Variants in SP100 observed in about 807,000 individuals in gnomAD.
SP100 encodes the protein SP100 nuclear body protein.
A neutral mutation model predicts 130.0 loss-of-function variants in SP100; 84 were observed. That is an observed-to-expected ratio of 0.65 (90% confidence interval 0.54 to 0.77). SP100 has a LOEUF of 0.77. Among genes scored for constraint, SP100 ranks in the 30% least tolerant of loss-of-function variants. The probability of loss-of-function intolerance (pLI) is 0.00; values close to 1 mark genes in which losing one functional copy is unlikely to be tolerated. For missense variants in SP100, 978 were observed against 1,052.2 expected, an observed-to-expected ratio of 0.93 and a Z score of 0.97; for synonymous variants, 331 against 351.7, an observed-to-expected ratio of 0.94 and a Z score of 0.66.
At position 230,494,340 on chromosome 2, in the gene SP100, A is replaced by G; in HGVS notation, c.1601-76A>G. The G allele has an allele frequency of 2.7e-6, 3 of 1,129,300 alleles. 1 individual carries two copies. Among genetic ancestry groups the G allele is most frequent in the Non-Finnish European group, 4.0e-6 (3 of 749,710 alleles). The allele number at this position is 1,129,300 out of a possible 1,614,324, so 70.0% of individuals were successfully genotyped here. A position where few individuals can be genotyped will look rare whatever the true frequency, so the allele number is the denominator to read the frequency against. Reference sequence around the variant, plus strand: ...AAGGAAAACAAAATTCAATGCTTGTAAACTATTGACATATAAAGTGTGTAA... The same window carrying G: ...AAGGAAAACAAAATTCAATGCTTGTGAACTATTGACATATAAAGTGTGTAA... On this transcript the variant is annotated intron_variant, in intron 17 of 28. Coordinates refer to ENST00000340126, the MANE Select transcript of SP100 (RefSeq NM_001080391.2).
chr2:230,538,176 GA>G, intron 24 of SP100: 1 of 152,144 alleles, frequency 6.6e-6, no homozygotes, highest in East Asian at 1.9e-4. Flanking sequence ...TTCTACTGTA[GA>G]GCAAGTTGAG....
chr2:230,436,743 G>A (rs981580279), intron 2 of SP100, among the ~76,000 whole-genome samples: 2 of 151,964 alleles, frequency 1.3e-5, no homozygotes, highest in Non-Finnish European at 2.9e-5. Context: ...AGGTCTATAG[G>A]TTTCCTACAT....
At chr2:230,450,123 A>G (rs2063902285) in intron 7 of SP100, 49 bp from the exon 8 acceptor site, 1 of 1,353,490 alleles carries the variant, frequency 7.4e-7, no homozygotes, top group Admixed American at 1.7e-5. Flanking sequence ...TGGAAACAGG[A>G]CAGAGCAAGG....
intron 2 of SP100, among the ~76,000 whole-genome samples, chr2:230,435,590 T>C (rs1287433051): frequency 6.6e-6 from 1 of 152,202 alleles, no homozygotes; most frequent in Non-Finnish European, 1.5e-5. Context: ...CGGGGGTACA[T>C]GTGCAGGATA....
intron 2 of SP100, among the ~76,000 whole-genome samples, chr2:230,441,109 A>T (rs1027178850): frequency 6.6e-6 from 1 of 152,196 alleles, no homozygotes; most frequent in African/African-American, 2.4e-5. Context: ...ATATTTAAAA[A>T]ATGCCTACCC....
chr2:230,521,449 C>A lies in SP100; in HGVS notation c.2094+10283C>A, dbSNP rs140300165. ...TAACTGACTATCTGCTTCTTGTTGA[C>A]ATATTCCTCTTCTTTACCCCTAATT... On this transcript the variant is annotated intron_variant, in intron 24 of 28. Transcript: ENST00000340126. Among the ~76,000 whole-genome samples, 648 of 152,284 alleles carry A rather than the reference C, an allele frequency of 4.3e-3. 17 individuals carry two copies. The highest frequency in any genetic ancestry group is 0.028 in the Admixed American group (423 of 15,286).
chr2:230,476,133 A>G (rs1388382627), intron 17 of SP100, among the ~76,000 whole-genome samples: 5 of 152,214 alleles, frequency 3.3e-5, no homozygotes, highest in Non-Finnish European at 7.3e-5. Flanking sequence ...TAAACAGTAT[A>G]GTCATTCAAA....
intron 2 of SP100, 72 bp downstream of exon 2, chr2:230,417,737 A>G: frequency 1.3e-6 from 2 of 1,567,798 alleles, no homozygotes; most frequent in Non-Finnish European, 1.7e-6. Context: ...TCAGCTTTTC[A>G]TGTTTCTTGG....
chr2:230,420,739 T>C (rs920127161), intron 2 of SP100, among the ~76,000 whole-genome samples: 2 of 152,100 alleles, frequency 1.3e-5, no homozygotes, highest in Non-Finnish European at 2.9e-5. Flanking sequence ...GTAAAACATA[T>C]ATATATATAT....
intron 17 of SP100, chr2:230,494,010 G>C (rs942406621): frequency 5.5e-6 from 1 of 180,958 alleles, no homozygotes. Flanking sequence ...CACCCACTTT[G>C]GCCTCCCAAA....
At chr2:230,453,408 C>A (rs879278299) in intron 8 of SP100, among the ~76,000 whole-genome samples, 5 of 152,172 alleles carry the variant, frequency 3.3e-5, no homozygotes, top group Non-Finnish European at 7.3e-5. Flanking sequence ...AGAGGGAAAT[C>A]TTTCAGTTTT....
intron 17 of SP100, among the ~76,000 whole-genome samples, chr2:230,485,889 T>C (rs2066058927): frequency 6.6e-6 from 1 of 152,210 alleles, no homozygotes; most frequent in African/African-American, 2.4e-5. Context: ...TTTTTAAAAG[T>C]CAACACTCTG....
chr2:230,501,198 G>A (rs531942575), intron 19 of SP100, among the ~76,000 whole-genome samples: 20 of 152,258 alleles, frequency 1.3e-4, no homozygotes, highest in African/African-American at 1.7e-4. Flanking sequence ...GCCGAGATCC[G>A]TGCCACTGCA....
intron 24 of SP100, among the ~76,000 whole-genome samples, chr2:230,534,341 G>A (rs995378927): frequency 4.6e-5 from 7 of 152,214 alleles, no homozygotes; most frequent in Non-Finnish European, 8.8e-5. Context: ...AGGAGGCGGA[G>A]GTTGCAGTGA....
In SP100 at chr2:230,542,925, G is replaced by A; in HGVS notation, c.2637G>A (p.Lys879=). 1 of 1,596,676 alleles carries A rather than the reference G, an allele frequency of 6.3e-7. No individual in the cohort carries two copies. Among genetic ancestry groups the A allele is most frequent in the Non-Finnish European group, 8.6e-7 (1 of 1,164,168 alleles). Residue 879 remains lysine, a synonymous_variant, in exon 29 of 29, where the codon AAG becomes AAA. Coordinates refer to ENST00000340126, the MANE Select transcript of SP100 (RefSeq NM_001080391.2). The stretch of plus-strand genomic sequence containing the variant: ...TTTTTGCAATTCAGGAAACAAGCAA[G>A]AACATTATAATGTTTATTTAGCCAT... ...RNIFAIQETS[K]NIIMFI
chr2:230,449,465 C>G, intron 6 of SP100, 96 bp from the exon 7 acceptor site: 1 of 1,390,988 alleles, frequency 7.2e-7, no homozygotes, highest in Non-Finnish European at 1.0e-6. Context: ...GGTGCCTTGA[C>G]CTTACGTCCA....
rs1692266193 is a variant in SP100, at chr2:230,544,702, A to G, written c.*1756A>G. Among the ~76,000 whole-genome samples, 1 of 152,068 alleles carries G rather than the reference A, an allele frequency of 6.6e-6. No individual in the cohort carries two copies. The highest frequency in any genetic ancestry group is 2.4e-5 in the African/African-American group (1 of 41,408). On this transcript the variant is annotated 3_prime_UTR_variant, in exon 29 of 29. Transcript: ENST00000340126. ...CTCCACATTGGTCAGGCTGGTCTTG[A>G]ACTCCCGACCTCAGGTGATCCACCC...
intron 17 of SP100, among the ~76,000 whole-genome samples, chr2:230,478,932 T>C (rs1339598253): frequency 6.6e-6 from 1 of 152,186 alleles, no homozygotes; most frequent in East Asian, 1.9e-4. Flanking sequence ...GCAATTCTCC[T>C]GTCTCAGCCT....
chr2:230,521,534 T>C lies in SP100; in HGVS notation c.2094+10368T>C, dbSNP rs149655766. On this transcript the variant is annotated intron_variant, in intron 24 of 28. Transcript: ENST00000340126. ...ATAAACCCCTAATTTTAGTCAGTTA[T>C]GGAGATGGATTTGAGACTGATCTCC... Among the ~76,000 whole-genome samples the C allele has an allele frequency of 1.8e-4, 27 of 152,328 alleles. No individual in the cohort carries two copies. In the East Asian group the frequency reaches 5.0e-3, roughly 28 times the overall value.
Sources: gnomAD v4.1 joint callset for allele counts (sites outside exome capture counted in the v4.1 genomes callset) on GRCh38, gnomAD v4.1.1 for gene constraint, MANE v1.5 for transcripts, NCBI Gene and HGNC (gene_info 2026-07-23, HGNC 2026-07-21) for gene names.